The following TANC2 variants were observed in gnomAD, a reference collection of about 807,000 sequenced individuals.
TANC2 encodes tetratricopeptide repeat, ankyrin repeat and coiled-coil containing 2, also known as protein TANC2.
A neutral mutation model predicts 210.5 loss-of-function variants in TANC2; 26 were observed. The observed-to-expected ratio is 0.12, with a 90% confidence interval of 0.09 to 0.17. The LOEUF (loss-of-function observed/expected upper bound fraction) is 0.17, where lower values mean the gene tolerates loss of function less well. Among genes scored for constraint, TANC2 ranks in the 10% least tolerant of loss-of-function variants. The pLI is 1.00. For synonymous variants in TANC2, 931 were observed against 967.1 expected (o/e 0.96, Z 0.69); for missense variants, 2,129 against 2,608.9 (o/e 0.82, Z 4.01).
intron 8 of TANC2, among the ~76,000 whole-genome samples, chr17:63,251,823 T>G (rs2043061150): frequency 6.6e-6 from 1 of 152,186 alleles, no homozygotes; most frequent in South Asian, 2.1e-4. Context: ...ATTTGTCTTT[T>G]TCTTCTAGTG....
At chr17:63,016,950 T>C (rs1240403189) in intron 2 of TANC2, among the ~76,000 whole-genome samples, 1 of 152,218 alleles carries the variant, frequency 6.6e-6, no homozygotes, top group African/African-American at 2.4e-5. Context: ...GATATTAATC[T>C]CTTATCAGAT....
At chr17:63,324,530 A>C (rs994670552) in intron 11 of TANC2, among the ~76,000 whole-genome samples, 9 of 152,216 alleles carry the variant, frequency 5.9e-5, no homozygotes, top group Non-Finnish European at 2.9e-5. Flanking sequence ...ATAATGAAGA[A>C]TAAGATTTTA....
intron 11 of TANC2, among the ~76,000 whole-genome samples, chr17:63,319,528 T>C (rs896787429): frequency 3.9e-5 from 6 of 152,164 alleles, no homozygotes; most frequent in African/African-American, 1.4e-4. Flanking sequence ...TTTTTGTATT[T>C]TTAGTAGAGA....
At chr17:63,265,957 T>C (rs1235927344) in intron 8 of TANC2, among the ~76,000 whole-genome samples, 1 of 152,184 alleles carries the variant, frequency 6.6e-6, no homozygotes, top group Non-Finnish European at 1.5e-5. Context: ...GATTATTCCT[T>C]CTTCTTTTTG....
intron 26 of TANC2, among the ~76,000 whole-genome samples, chr17:63,416,861 G>A (rs998560965): frequency 6.6e-6 from 1 of 152,232 alleles, no homozygotes. Flanking sequence ...GGTCTCGGGA[G>A]ACAGATTTTC....
chr17:63,150,221 C>G (rs1043284372), intron 4 of TANC2: 3 of 152,096 alleles, frequency 2.0e-5, no homozygotes, highest in Non-Finnish European at 4.4e-5. Context: ...GTCTTGGCCA[C>G]CTATGATTAT....
At chr17:63,354,880 G>A (rs1314125287) in exon 14 of TANC2, 4 of 1,613,660 alleles carry the variant, frequency 2.5e-6, no homozygotes, top group Non-Finnish European at 3.4e-6. Context: ...ATCCTGCACC[G>A]GATACACAGC....
chr17:63,197,049 A>G (rs1459324756), intron 6 of TANC2, among the ~76,000 whole-genome samples: 1 of 152,202 alleles, frequency 6.6e-6, no homozygotes, highest in African/African-American at 2.4e-5. Context: ...CATGAATATG[A>G]AAGTACTTTG....
chr17:63,039,520 G>C, intron 2 of TANC2, among the ~76,000 whole-genome samples: 1 of 152,152 alleles, frequency 6.6e-6, no homozygotes, highest in East Asian at 1.9e-4. Context: ...ACTGCAGTAG[G>C]AGGCTGGCAC....
intron 13 of TANC2, among the ~76,000 whole-genome samples, chr17:63,353,079 T>C (rs550450342): frequency 6.6e-6 from 1 of 152,308 alleles, no homozygotes; most frequent in African/African-American, 2.4e-5. Flanking sequence ...CTGATCTGTC[T>C]TTTTTAAAGA....
chr17:63,133,307 A>G (rs949352752), intron 4 of TANC2, among the ~76,000 whole-genome samples: 5 of 151,150 alleles, frequency 3.3e-5, no homozygotes, highest in Non-Finnish European at 5.9e-5. Flanking sequence ...GGGTTTCACC[A>G]TATTGGCCAG....
At chr17:62,982,872 G>T (rs1259523606) in intron 1 of TANC2, among the ~76,000 whole-genome samples, 1 of 152,164 alleles carries the variant, frequency 6.6e-6, no homozygotes, top group Non-Finnish European at 1.5e-5. Flanking sequence ...CAGCTTTGTA[G>T]TATCTTTTGA....
chr17:63,127,955 T>C (rs1262922170), intron 4 of TANC2, among the ~76,000 whole-genome samples: 2 of 152,192 alleles, frequency 1.3e-5, no homozygotes, highest in Non-Finnish European at 2.9e-5. Context: ...TAGGCTACCT[T>C]CTAATGCACC....
intron 1 of TANC2, among the ~76,000 whole-genome samples, chr17:63,007,665 T>G (rs142571002): frequency 2.0e-5 from 3 of 152,290 alleles, no homozygotes; most frequent in African/African-American, 7.2e-5. Flanking sequence ...GAATTATTAC[T>G]TCTCTTCTTG....
At chr17:63,359,374 T>C (rs1197203105) in intron 14 of TANC2, among the ~76,000 whole-genome samples, 1 of 144,502 alleles carries the variant, frequency 6.9e-6, no homozygotes, top group African/African-American at 2.6e-5. Flanking sequence ...CGAGACAGAG[T>C]GTCCTGTCAC....
chr17:63,098,473 C>T (rs1474529648), intron 3 of TANC2, among the ~76,000 whole-genome samples: 1 of 36,882 alleles, frequency 2.7e-5, no homozygotes, highest in East Asian at 2.8e-4. Context: ...CACACACACA[C>T]ACACACATAC....
chr17:63,140,950 A>G (rs1297945531), intron 4 of TANC2, among the ~76,000 whole-genome samples: 7 of 151,986 alleles, frequency 4.6e-5, no homozygotes, highest in South Asian at 2.1e-4. Context: ...GGGTTTCGCC[A>G]TGTTGGCCAG....
chr17:63,059,970 G>A (rs1211302373), intron 2 of TANC2, among the ~76,000 whole-genome samples: 3 of 152,172 alleles, frequency 2.0e-5, no homozygotes, highest in African/African-American at 7.2e-5. Flanking sequence ...GGCGTTTTCA[G>A]TGGATAGAGT....
At chr17:63,246,124 A>G (rs1314514043) in intron 8 of TANC2, among the ~76,000 whole-genome samples, 1 of 152,066 alleles carries the variant, frequency 6.6e-6, no homozygotes, top group Non-Finnish European at 1.5e-5. Context: ...CTTTGTCTGA[A>G]TTATCTATTT....
Sources: gnomAD v4.1 joint callset for allele counts (sites outside exome capture counted in the v4.1 genomes callset) on GRCh38, gnomAD v4.1.1 for gene constraint, MANE v1.5 for transcripts, NCBI Gene and HGNC (gene_info 2026-07-23, HGNC 2026-07-21) for gene names.